The following TNFRSF11A variants were observed in gnomAD, a reference collection of about 807,000 sequenced individuals.
The protein encoded by TNFRSF11A is TNF receptor superfamily member 11a.
Under a neutral mutation model 55.7 loss-of-function variants are expected in TNFRSF11A, and 32 were observed. The ratio of observed to expected loss-of-function variants is 0.57; its 90% CI spans 0.43 to 0.77. TNFRSF11A has a LOEUF of 0.77. Ranked by LOEUF, TNFRSF11A falls within the 30% of genes least tolerant of loss-of-function variation. The pLI, the probability that TNFRSF11A is intolerant of heterozygous loss-of-function variation, is 0.00. For missense variants in TNFRSF11A, 753 were observed against 809.8 expected (o/e 0.93, Z 0.85); for synonymous variants, 311 against 331.0 (o/e 0.94, Z 0.65).
chr18:62,363,124 G>A (rs565807447), intron 7 of TNFRSF11A, among the ~76,000 whole-genome samples: 9 of 152,028 alleles, frequency 5.9e-5, no homozygotes, highest in East Asian at 3.9e-4. Context: ...GATTACAGGC[G>A]TGAGCCACCA....
At chr18:62,382,942 C>G (rs1911396892) in intron 9 of TNFRSF11A, among the ~76,000 whole-genome samples, 1 of 152,152 alleles carries the variant, frequency 6.6e-6, no homozygotes, top group South Asian at 2.1e-4. Context: ...ATGAGTTTAT[C>G]TGGTGACAAC....
At chr18:62,368,598 G>GTGGA (rs1568489699) in intron 8 of TNFRSF11A, 103 bp from the exon 9 acceptor site, 2 of 1,204,244 alleles carry the variant, frequency 1.7e-6, no homozygotes, top group African/African-American at 3.0e-5. Context: ...ACTTGTTATG[G>GTGGA]TGGAAATAAT....
chr18:62,356,631 G>A (rs1311593782), intron 4 of TNFRSF11A, among the ~76,000 whole-genome samples: 4 of 152,198 alleles, frequency 2.6e-5, no homozygotes, highest in East Asian at 1.9e-4. Context: ...CAGCCTGATC[G>A]CAGCTGCCCC....
rs35003467 is a variant in TNFRSF11A at position 62,354,434 on chromosome 18, C to T, written c.327C>T (p.Pro109=). The part of the protein sequence containing the change: ...VAVVAGNSTT[P]RRCACTAGYH... Reference sequence around the variant, plus strand: ...TGGTCGCCGGCAACAGCACGACCCCCCGGCGCTGCGCGTGCACGGCTGGGT... The same window carrying T: ...TGGTCGCCGGCAACAGCACGACCCCTCGGCGCTGCGCGTGCACGGCTGGGT... Residue 109 remains proline, a synonymous_variant, in exon 4 of 10, where the codon CCC becomes CCT. Transcript: ENST00000586569. 11,929 of 1,597,710 alleles carry T rather than the reference C, an allele frequency of 7.5e-3. 65 individuals are homozygous for T. The highest frequency in any genetic ancestry group is 0.014 in the Middle Eastern group (74 of 5,432).
chr18:62,370,922 C>T (rs1037898837), intron 9 of TNFRSF11A, among the ~76,000 whole-genome samples: 11 of 151,850 alleles, frequency 7.2e-5, no homozygotes, highest in Non-Finnish European at 1.2e-4. Flanking sequence ...CTCCACCTCT[C>T]GGGTTCAAGC....
chr18:62,373,374 G>T (rs993557605), intron 9 of TNFRSF11A, among the ~76,000 whole-genome samples: 2 of 152,116 alleles, frequency 1.3e-5, no homozygotes, highest in Non-Finnish European at 2.9e-5. Flanking sequence ...CAGGAGAATT[G>T]CTTGAGTCAG....
chr18:62,361,806 T>C lies in TNFRSF11A; in HGVS notation c.730+13T>C. The C allele has an allele frequency of 6.2e-7, 1 of 1,608,320 alleles. No individual in the cohort carries two copies. The highest frequency in any genetic ancestry group is 8.5e-7 in the Non-Finnish European group (1 of 1,174,660). On this transcript the variant is annotated intron_variant, in intron 7 of 9. Transcript: ENST00000586569. ...AAAGCACTCACAGGTATTGTGTCTATGGTGGTTTTTGCAAACCAATCTTAA... is the reference window on the plus strand; with the variant it reads ...AAAGCACTCACAGGTATTGTGTCTACGGTGGTTTTTGCAAACCAATCTTAA...
In TNFRSF11A at chr18:62,387,288, A is replaced by G. The variant is rs1460291059; in HGVS notation, c.*2254A>G. On this transcript the variant is annotated 3_prime_UTR_variant, in exon 10 of 10. Transcript: ENST00000586569. ...CTCAATGCTAAAAAATGTATAGAAA[A>G]TATAAGTCTGTGTCTGTGTACTGTA... is the stretch of plus-strand genomic sequence containing the variant. 6.6e-6 allele frequency: 1 copy of G among 152,164 alleles called. No individual in the cohort carries two copies. Among genetic ancestry groups the G allele is most frequent in the Non-Finnish European group, 1.5e-5 (1 of 68,008 alleles). The allele number at this position is 152,164 out of a possible 1,614,324, so 9.4% of individuals were successfully genotyped here.
chr18:62,336,347 T>G (rs1600353808), intron 1 of TNFRSF11A: 1 of 152,372 alleles, frequency 6.6e-6, no homozygotes, highest in East Asian at 1.9e-4. Flanking sequence ...GCACTGGATT[T>G]CACCCTGAAG....
In TNFRSF11A at chr18:62,342,401, C is replaced by CAAAAAAAAAAAAAAAAAAAAAA. The variant is rs371734407; in HGVS notation, c.76-5764_76-5743dup. 5.8e-4 allele frequency among the ~76,000 whole-genome samples: 36 copies of CAAAAAAAAAAAAAAAAAAAAAA among 62,226 alleles called. 3 individuals are homozygous for CAAAAAAAAAAAAAAAAAAAAAA. Among genetic ancestry groups the CAAAAAAAAAAAAAAAAAAAAAA allele is most frequent in the Non-Finnish European group, 1.1e-3 (31 of 29,006 alleles). 40.8% of individuals were successfully genotyped at this position (62,226 alleles called of 152,430 possible). ...TGGGTGACAGAGTGAGATTCTGTCT[C>CAAAAAAAAAAAAAAAAAAAAAA]AAAAAAAAAAAAAAAAAAAAAAAAT... On this transcript the variant is annotated intron_variant, in intron 1 of 9. Coordinates refer to ENST00000586569, the MANE Select transcript of TNFRSF11A (RefSeq NM_003839.4).
At chr18:62,362,917 C>T (rs1909799937) in intron 7 of TNFRSF11A, among the ~76,000 whole-genome samples, 2 of 152,154 alleles carry the variant, frequency 1.3e-5, no homozygotes, top group Non-Finnish European at 2.9e-5. Flanking sequence ...GATCTCGACT[C>T]ACTGCAGCCT....
chr18:62,330,222 C>T (rs994890095), intron 1 of TNFRSF11A, among the ~76,000 whole-genome samples: 4 of 152,156 alleles, frequency 2.6e-5, no homozygotes, highest in Admixed American at 1.3e-4. Flanking sequence ...CAGCAGGATC[C>T]GGTGTTCTGG....
Position 62,384,890 on chromosome 18 carries a change from G to T in TNFRSF11A, c.1707G>T (p.Pro569=). The T allele has an allele frequency of 6.3e-7, 1 of 1,587,218 alleles. No homozygotes were observed. The change falls in exon 10 of 10, where the codon CCG becomes CCT. Residue 569 remains proline (P), a synonymous_variant. Transcript: ENST00000586569. ...CGGCTGCGGAGCCCATGGGCCGCCC[G>T]GTGCAGGAGGAGACCCTGGCGCGCC... ...AAAAAEPMGR[P]VQEETLARRD...
At chr18:62,377,864 G>A (rs1040845032) in intron 9 of TNFRSF11A, among the ~76,000 whole-genome samples, 10 of 152,086 alleles carry the variant, frequency 6.6e-5, no homozygotes, top group African/African-American at 2.4e-4. Flanking sequence ...CTTAAGCCTC[G>A]GATCTTTTTA....
Position 62,369,350 on chromosome 18 carries a change from T to C in TNFRSF11A, c.1433T>C (p.Leu478Pro). 1.9e-6 allele frequency: 3 copies of C among 1,610,134 alleles called. No individual in the cohort carries two copies. Among genetic ancestry groups the C allele is most frequent in the Non-Finnish European group, 2.5e-6 (3 of 1,178,590 alleles). The change falls in exon 9 of 10, where the codon CTT becomes CCT. Residue 478 changes from leucine (L) to proline (P), a missense_variant. Physicochemically the swap from Leu to Pro is moderately conservative, Grantham distance 98 (BLOSUM62 -3). This residue lies in a region of TNFRSF11A where 567 missense variants were observed against 596.7 expected (regional missense o/e 0.95). Transcript: ENST00000586569. ...CCCCAGTGCGCCTATGGCATGGGCC[T>C]TCCCCCTGAAGAAGAAGCCAGCAGG... ...PLPQCAYGMG[L>P]PPEEEASRTE...
At chr18:62,371,733 C>T (rs139708197) in intron 9 of TNFRSF11A, among the ~76,000 whole-genome samples, 3 of 152,172 alleles carry the variant, frequency 2.0e-5, no homozygotes, top group African/African-American at 7.2e-5. Flanking sequence ...CATGAACAGG[C>T]CTTATGGTTT....
At chr18:62,337,022 G>A (rs565145548) in intron 1 of TNFRSF11A, among the ~76,000 whole-genome samples, 2 of 152,124 alleles carry the variant, frequency 1.3e-5, no homozygotes, top group Non-Finnish European at 2.9e-5. Context: ...GTGGTCAGAG[G>A]GGGAAATGCT....
At chr18:62,353,960 A>G (rs62098352) in intron 3 of TNFRSF11A, among the ~76,000 whole-genome samples, 18,384 of 152,210 alleles carry the variant, frequency 0.12, 1,584 homozygotes, top group Non-Finnish European at 0.18. Flanking sequence ...AGGATCCTAC[A>G]ATGAATCCTA....
intron 1 of TNFRSF11A, among the ~76,000 whole-genome samples, chr18:62,333,459 A>G (rs1382357117): frequency 1.3e-5 from 2 of 152,220 alleles, no homozygotes; most frequent in African/African-American, 4.8e-5. Context: ...CTCTGACAAT[A>G]TTAGAAGATT....
Sources: allele counts gnomAD v4.1 joint callset (sites outside exome capture counted in the v4.1 genomes callset), GRCh38; gene constraint gnomAD v4.1.1; regional missense constraint gnomAD v4.1.1; transcripts MANE v1.5; gene names NCBI Gene and HGNC (gene_info 2026-07-23, HGNC 2026-07-21).